The following EIF4B variants were observed in gnomAD, a reference collection of about 807,000 sequenced individuals.
The protein encoded by EIF4B is eukaryotic translation initiation factor 4B.
A neutral mutation model predicts 79.3 loss-of-function variants in EIF4B; 8 were observed. The ratio of observed to expected loss-of-function variants is 0.10; its 90% CI spans 0.06 to 0.18. The LOEUF is 0.18. Ranked by LOEUF, EIF4B falls within the 10% of genes least tolerant of loss-of-function variation. EIF4B has a pLI of 1.00. For missense variants in EIF4B, 515 were observed against 792.4 expected, an observed-to-expected ratio of 0.65 and a Z score of 4.20; for synonymous variants, 238 against 274.7, an observed-to-expected ratio of 0.87 and a Z score of 1.32.
chr12:53,016,321 G>A, intron 1 of EIF4B, 152 bp from the exon 2 acceptor site: 2 of 983,530 alleles, frequency 2.0e-6, no homozygotes, highest in East Asian at 2.7e-5. Context: ...ATTTATGTCT[G>A]CATAGTACCC....
intron 1 of EIF4B, among the ~76,000 whole-genome samples, chr12:53,007,269 A>T (rs968515729): frequency 6.6e-6 from 1 of 152,030 alleles, no homozygotes; most frequent in Non-Finnish European, 1.5e-5. Context: ...TTGGAGAAGC[A>T]CCGGTGTGCA....
rs753613411 is a variant in EIF4B, at chr12:53,022,215, C to T, written c.533-278C>T. 9 of 675,404 alleles carry T rather than the reference C, an allele frequency of 1.3e-5. No homozygotes were observed. In the Middle Eastern group the frequency reaches 7.1e-4, roughly 54 times the overall value. The allele number at this position is 675,404 out of a possible 1,614,324, so 41.8% of individuals were successfully genotyped here. On this transcript the variant is annotated intron_variant, in intron 5 of 14. Transcript: ENST00000262056. ...TAAATAGATTAGCTGCCTAACAGCA[C>T]GTTGGTCACAAAGGGGACCTAATTT...
chr12:53,010,897 A>G (rs1394893045), intron 1 of EIF4B, among the ~76,000 whole-genome samples: 2 of 152,196 alleles, frequency 1.3e-5, no homozygotes, highest in African/African-American at 4.8e-5. Flanking sequence ...ATTATGGAGA[A>G]TGTGGCAGAA....
chr12:53,024,736 C>T (rs778878632), intron 6 of EIF4B, among the ~76,000 whole-genome samples: 3 of 152,160 alleles, frequency 2.0e-5, no homozygotes, highest in African/African-American at 4.8e-5. Flanking sequence ...CTCACTGCAA[C>T]CTCTGCCTGC....
chr12:53,013,051 T>G (rs1943091486), intron 1 of EIF4B, among the ~76,000 whole-genome samples: 1 of 152,152 alleles, frequency 6.6e-6, no homozygotes, highest in South Asian at 2.1e-4. Context: ...TCAAATAACG[T>G]TAAAGAAGAA....
intron 8 of EIF4B, 145 bp from the exon 9 acceptor site, chr12:53,033,661 G>A: frequency 1.1e-6 from 1 of 891,270 alleles, no homozygotes; most frequent in Non-Finnish European, 1.7e-6. Flanking sequence ...GTTTTCTAAT[G>A]ATCTATTTGC....
Position 53,020,003 on chromosome 12 carries a change from A to C in EIF4B, c.454A>C (p.Ser152Arg), listed in dbSNP as rs778507226. Reference sequence around the variant, plus strand: ...ATTTGAGGACCTGGATTCCCTGCTCAGTGCCCTGAGTCTCAATGAAGAGGT... The same window carrying C: ...ATTTGAGGACCTGGATTCCCTGCTCCGTGCCCTGAGTCTCAATGAAGAGGT... ...AEFEDLDSLLSALSLNEESLG... is the reference protein window; with the variant it reads ...AEFEDLDSLLRALSLNEESLG... The change falls in exon 4 of 15, where the codon AGT (serine) becomes CGT (arginine). Residue 152 changes from serine (S) to arginine (R), a missense_variant. Transcript: ENST00000262056. 1 of 1,609,906 alleles carries C rather than the reference A, an allele frequency of 6.2e-7. No individual in the cohort carries two copies. Among genetic ancestry groups the C allele is most frequent in the Non-Finnish European group, 8.5e-7 (1 of 1,178,956 alleles).
chr12:53,040,232 A>G lies in EIF4B; in HGVS notation c.*9A>G. Reference sequence around the variant, plus strand: ...AAGATTATGCCGAATAGACCTCTACATCCTGTGCTTTTCTCCTAGTTTCTC... The same window carrying G: ...AAGATTATGCCGAATAGACCTCTACGTCCTGTGCTTTTCTCCTAGTTTCTC... On this transcript the variant is annotated 3_prime_UTR_variant, in exon 15 of 15. Coordinates refer to ENST00000262056, the MANE Select transcript of EIF4B (RefSeq NM_001417.7). 1.9e-6 allele frequency: 3 copies of G among 1,609,666 alleles called. No homozygotes were observed. The highest frequency in any genetic ancestry group is 2.6e-6 in the Non-Finnish European group (3 of 1,176,414).
At chr12:53,010,517 A>G (rs1368205986) in intron 1 of EIF4B, among the ~76,000 whole-genome samples, 1 of 152,136 alleles carries the variant, frequency 6.6e-6, no homozygotes, top group Non-Finnish European at 1.5e-5. Context: ...ATGTCTTTTC[A>G]TGGCTGGGCT....
chr12:53,033,729 A>AT, intron 8 of EIF4B, 77 bp from the exon 9 acceptor site: 1 of 1,438,008 alleles, frequency 7.0e-7, no homozygotes, highest in Non-Finnish European at 9.4e-7. Flanking sequence ...CATAGGAGTT[A>AT]TATCTGAGAA....
At chr12:53,007,035 AG>A (rs1315715945) in intron 1 of EIF4B, among the ~76,000 whole-genome samples, 1 of 152,094 alleles carries the variant, frequency 6.6e-6, no homozygotes, top group Non-Finnish European at 1.5e-5. Context: ...AGGAGACACG[AG>A]GGTAGTAGAG....
intron 3 of EIF4B, among the ~76,000 whole-genome samples, chr12:53,019,658 AC>A (rs1943215899): frequency 7.2e-6 from 1 of 138,170 alleles, no homozygotes; most frequent in Non-Finnish European, 1.6e-5. Context: ...GAGCCACTGC[AC>A]CTGGCCTGAA....
intron 14 of EIF4B, 147 bp downstream of exon 14, chr12:53,039,849 T>TA (rs1943601269): frequency 2.2e-6 from 2 of 889,396 alleles, no homozygotes; most frequent in Non-Finnish European, 1.6e-6. Context: ...TGTTTGGAAA[T>TA]AAGACATTGG....
chr12:53,039,496 G>C (rs1207575671), intron 13 of EIF4B, 134 bp from the exon 14 acceptor site: 1 of 1,273,706 alleles, frequency 7.9e-7, no homozygotes, highest in Non-Finnish European at 1.1e-6. Flanking sequence ...AAATCTAGAA[G>C]TAATACATCA....
At chr12:53,020,052 G>T in intron 4 of EIF4B, 26 bp downstream of exon 4, 2 of 1,567,750 alleles carry the variant, frequency 1.3e-6, no homozygotes, top group South Asian at 2.3e-5. Flanking sequence ...GTGGGGATAT[G>T]AGGGGTGTAA....
chr12:53,007,493 T>C (rs1337257832), intron 1 of EIF4B, among the ~76,000 whole-genome samples: 1 of 148,056 alleles, frequency 6.8e-6, no homozygotes, highest in African/African-American at 2.5e-5. Context: ...AAATAGTGCT[T>C]ACTAATGGCT....
At chr12:53,010,471 A>C (rs781076703) in intron 1 of EIF4B, among the ~76,000 whole-genome samples, 15 of 152,182 alleles carry the variant, frequency 9.9e-5, no homozygotes, top group Non-Finnish European at 2.2e-4. Context: ...TAGTGCAGTA[A>C]AGGTGAAGGT....
chr12:53,010,948 C>T (rs555173679), intron 1 of EIF4B, among the ~76,000 whole-genome samples: 1 of 152,110 alleles, frequency 6.6e-6, no homozygotes, highest in Non-Finnish European at 1.5e-5. Context: ...AATTTGTATA[C>T]CATAAAATTT....
rs1057034731 is a variant in EIF4B at position 53,038,911 on chromosome 12, G to A, written c.1577-327G>A. On this transcript the variant is annotated intron_variant, in intron 12 of 14. Coordinates refer to ENST00000262056, the MANE Select transcript of EIF4B (RefSeq NM_001417.7). ...AAGTATGAAACCCTGCCCTTTCCTG[G>A]TAGAACATTTCTTTGACGGGGAGAA... is the stretch of plus-strand genomic sequence containing the variant. 1.3e-5 allele frequency: 3 copies of A among 223,852 alleles called. No homozygotes were observed. In the Admixed American group the frequency reaches 1.6e-4, roughly 12 times the overall value. The allele number at this position is 223,852 out of a possible 1,614,324, so 13.9% of individuals were successfully genotyped here.
Sources: allele counts gnomAD v4.1 joint callset (sites outside exome capture counted in the v4.1 genomes callset), GRCh38; gene constraint gnomAD v4.1.1; transcripts MANE v1.5; gene names NCBI Gene and HGNC (gene_info 2026-07-23, HGNC 2026-07-21).